The following NRG3 variants were observed in gnomAD, a reference collection of about 807,000 sequenced individuals.
The protein encoded by NRG3 is neuregulin 3, also known as pro-neuregulin-3, membrane-bound isoform.
NRG3 carries 31 observed loss-of-function variants against 66.9 expected under a neutral mutation model. That is an observed-to-expected ratio of 0.46 (90% confidence interval 0.35 to 0.63). NRG3 has a LOEUF of 0.63. Among genes scored for constraint, NRG3 ranks in the 20% least tolerant of loss-of-function variants. The pLI, the probability that NRG3 is intolerant of heterozygous loss-of-function variation, is 0.00. For synonymous variants in NRG3, 393 were observed against 359.4 expected (o/e 1.09, Z -1.06); for missense variants, 910 against 878.9 (o/e 1.04, Z -0.45).
intron 4 of NRG3, among the ~76,000 whole-genome samples, chr10:82,930,450 G>T (rs897469409): frequency 6.6e-6 from 1 of 152,152 alleles, no homozygotes; most frequent in Non-Finnish European, 1.5e-5. Context: ...GGGGATCTCA[G>T]TCTAATGACT....
intron 1 of NRG3, among the ~76,000 whole-genome samples, chr10:81,922,551 C>G (rs934266729): frequency 6.6e-6 from 1 of 152,098 alleles, no homozygotes; most frequent in Non-Finnish European, 1.5e-5. Flanking sequence ...AGAGAATGGC[C>G]TCCAGTTTAT....
At chr10:82,682,949 T>C (rs1330722603) in intron 2 of NRG3, among the ~76,000 whole-genome samples, 29 of 10,838 alleles carry the variant, frequency 2.7e-3, no homozygotes, top group African/African-American at 5.8e-3. Context: ...TGTCTTAATT[T>C]TTTTTTTTTT....
chr10:82,428,158 G>C (rs1009839346), intron 2 of NRG3, among the ~76,000 whole-genome samples: 1 of 151,456 alleles, frequency 6.6e-6, no homozygotes, highest in African/African-American at 2.4e-5. Flanking sequence ...GTTTTGTTTT[G>C]TTGAGTTTCT....
chr10:81,930,510 G>GAA (rs76590582), intron 1 of NRG3, among the ~76,000 whole-genome samples: 11 of 133,426 alleles, frequency 8.2e-5, no homozygotes, highest in Non-Finnish European at 1.5e-4. Context: ...CTATTACCTG[G>GAA]AAAAAAAAAA....
chr10:82,154,144 GC>G (rs939661611), intron 1 of NRG3, among the ~76,000 whole-genome samples: 1 of 151,912 alleles, frequency 6.6e-6, no homozygotes, highest in Non-Finnish European at 1.5e-5. Flanking sequence ...AGAAATCGTT[GC>G]CCACACCAAT....
chr10:82,795,130 A>AG (rs2060745591), intron 3 of NRG3, among the ~76,000 whole-genome samples: 1 of 152,254 alleles, frequency 6.6e-6, no homozygotes, highest in African/African-American at 2.4e-5. Context: ...GGATATCTTC[A>AG]AATAAATGAT....
At chr10:82,431,017 T>A (rs2089772108) in intron 2 of NRG3, among the ~76,000 whole-genome samples, 1 of 152,184 alleles carries the variant, frequency 6.6e-6, no homozygotes, top group African/African-American at 2.4e-5. Context: ...CCCAGGAATA[T>A]GTTAGACCTT....
At chr10:82,038,537 C>G (rs79157589) in intron 1 of NRG3, among the ~76,000 whole-genome samples, 2,727 of 152,218 alleles carry the variant, frequency 0.018, 86 homozygotes, top group African/African-American at 0.062. Flanking sequence ...GAAGTCACAA[C>G]CCATGAGTTT....
At chr10:82,911,308 T>G (rs1845301192) in intron 4 of NRG3, among the ~76,000 whole-genome samples, 1 of 152,110 alleles carries the variant, frequency 6.6e-6, no homozygotes, top group African/African-American at 2.4e-5. Context: ...TAAAAAAATC[T>G]AAAATTTTAA....
At chr10:82,239,594 CATT>C (rs1364525858) in intron 1 of NRG3, among the ~76,000 whole-genome samples, 1 of 152,116 alleles carries the variant, frequency 6.6e-6, no homozygotes, top group Non-Finnish European at 1.5e-5. Context: ...TACCTATTAG[CATT>C]ATTAGTTTGG....
chr10:82,032,391 T>TTTGTTG (rs142925186), intron 1 of NRG3, among the ~76,000 whole-genome samples: 53 of 150,680 alleles, frequency 3.5e-4, no homozygotes, highest in African/African-American at 1.1e-3. Context: ...TGGTTCCTGG[T>TTTGTTG]TTGTTGTTGT....
At chr10:82,355,912 A>G (rs1355891394) in intron 1 of NRG3, among the ~76,000 whole-genome samples, 2 of 152,206 alleles carry the variant, frequency 1.3e-5, no homozygotes, top group Non-Finnish European at 2.9e-5. Flanking sequence ...TTATATTGTC[A>G]TTAAAAAGTT....
intron 4 of NRG3, among the ~76,000 whole-genome samples, chr10:82,922,678 T>C (rs1021448994): frequency 2.0e-5 from 3 of 152,164 alleles, no homozygotes; most frequent in African/African-American, 7.2e-5. Context: ...ATTTAGTGTT[T>C]TGAACAGATA....
At chr10:82,839,952 A>C (rs1254825870) in intron 3 of NRG3, among the ~76,000 whole-genome samples, 2 of 152,136 alleles carry the variant, frequency 1.3e-5, no homozygotes, top group Non-Finnish European at 2.9e-5. Flanking sequence ...TACAGTATTC[A>C]TTCTAGCCTT....
In NRG3 at chr10:82,592,646, G is replaced by A. The variant is rs149113387; in HGVS notation, c.954-145931G>A. Among the ~76,000 whole-genome samples, 654 of 152,214 alleles carry A rather than the reference G, an allele frequency of 4.3e-3. 2 individuals are homozygous for A. Among genetic ancestry groups the A allele is most frequent in the Non-Finnish European group, 5.7e-3 (385 of 68,016 alleles). ...TGCTGACAGTCATCAGCCAAGACTA[G>A]AATGCCCACATTCAATGAAAATGTG... is the stretch of plus-strand genomic sequence containing the variant. On this transcript the variant is annotated intron_variant, in intron 2 of 8. Coordinates refer to ENST00000372141, the MANE Select transcript of NRG3 (RefSeq NM_001010848.4).
intron 2 of NRG3, among the ~76,000 whole-genome samples, chr10:82,568,933 T>G (rs938510885): frequency 6.6e-6 from 1 of 151,246 alleles, no homozygotes; most frequent in South Asian, 2.1e-4. Flanking sequence ...CTGATGTCCC[T>G]TTACCATTAG....
At chr10:82,000,714 A>G (rs1461222005) in intron 1 of NRG3, among the ~76,000 whole-genome samples, 1 of 152,230 alleles carries the variant, frequency 6.6e-6, no homozygotes, top group Non-Finnish European at 1.5e-5. Flanking sequence ...GAATATATTA[A>G]CTTACTAACC....
intron 1 of NRG3, among the ~76,000 whole-genome samples, chr10:82,117,842 A>G (rs1289816707): frequency 6.6e-6 from 1 of 152,156 alleles, no homozygotes; most frequent in Non-Finnish European, 1.5e-5. Context: ...TGTCTGCACC[A>G]TGCGTATTTG....
intron 1 of NRG3, among the ~76,000 whole-genome samples, chr10:82,245,570 T>A (rs998841634): frequency 6.6e-6 from 1 of 152,234 alleles, no homozygotes; most frequent in African/African-American, 2.4e-5. Context: ...TCATCTGGAA[T>A]GGATTATTCT....
Sources: gnomAD v4.1 joint callset for allele counts (sites outside exome capture counted in the v4.1 genomes callset) on GRCh38, gnomAD v4.1.1 for gene constraint, MANE v1.5 for transcripts, NCBI Gene and HGNC (gene_info 2026-07-23, HGNC 2026-07-21) for gene names.